The following PECR variants were observed in gnomAD, a reference collection of about 807,000 sequenced individuals.
The protein encoded by PECR is peroxisomal trans-2-enoyl-CoA reductase.
A neutral mutation model predicts 35.3 loss-of-function variants in PECR; 30 were observed. The observed-to-expected ratio is 0.85, with a 90% CI of 0.64 to 1.15. PECR has a LOEUF of 1.15. Ranked by LOEUF, PECR falls within the 50% of genes most tolerant of loss-of-function variation. PECR has a pLI of 0.00. For synonymous variants in PECR, 148 were observed against 138.9 expected, an observed-to-expected ratio of 1.07 and a Z score of -0.46; for missense variants, 392 against 370.8, an observed-to-expected ratio of 1.06 and a Z score of -0.47.
intron 3 of PECR, among the ~76,000 whole-genome samples, chr2:216,063,452 T>C (rs1399779857): frequency 6.6e-6 from 1 of 152,008 alleles, no homozygotes; most frequent in Admixed American, 6.6e-5. Context: ...ACCCCGTCTC[T>C]ACTAAAAATA....
intron 7 of PECR, among the ~76,000 whole-genome samples, chr2:216,041,418 A>T (rs1284691147): frequency 6.6e-6 from 1 of 152,236 alleles, no homozygotes; most frequent in Non-Finnish European, 1.5e-5. Context: ...AAGACCCTTA[A>T]AACTACAGTA....
chr2:216,080,902 A>G (rs546097573), intron 1 of PECR, among the ~76,000 whole-genome samples: 2 of 152,266 alleles, frequency 1.3e-5, no homozygotes, highest in East Asian at 3.9e-4. Context: ...TGTAATCCCA[A>G]AACTTTAGGA....
chr2:216,052,857 G>GT (rs895095355), intron 4 of PECR, among the ~76,000 whole-genome samples: 13 of 151,942 alleles, frequency 8.6e-5, no homozygotes, highest in Non-Finnish European at 1.9e-4. Flanking sequence ...CTCTGTTTTT[G>GT]TTTTTTGTGT....
intron 6 of PECR, among the ~76,000 whole-genome samples, chr2:216,046,339 G>A (rs12615604): frequency 0.12 from 15,025 of 124,748 alleles, 1,286 homozygotes; most frequent in African/African-American, 0.25. Context: ...TTGAGAAGGC[G>A]TCTCACTGTC....
rs373002965 is a variant in PECR at position 216,030,646 on chromosome 2, G to A, written c.*440+8545C>T. 4.7e-4 allele frequency among the ~76,000 whole-genome samples: 72 copies of A among 151,770 alleles called. 1 individual carries two copies. The highest frequency in any genetic ancestry group is 1.6e-3 in the African/African-American group (68 of 41,402). ...GCAACCTCCGCCCCCAGGTTCAAGCGATTCTTGTGCCTCAGCCTGCTAAGT... is the reference window on the plus strand; with the variant it reads ...GCAACCTCCGCCCCCAGGTTCAAGCAATTCTTGTGCCTCAGCCTGCTAAGT... On this transcript the variant is annotated intron_variant and NMD_transcript_variant, in intron 7 of 7. Transcript: ENST00000442122.
chr2:216,060,798 A>G (rs2105958171), intron 3 of PECR, among the ~76,000 whole-genome samples: 1 of 152,312 alleles, frequency 6.6e-6, no homozygotes, highest in East Asian at 1.9e-4. Context: ...CAACTAGAAC[A>G]TCAGAGAGAA....
At chr2:216,075,143 C>T (rs1209422995) in intron 1 of PECR, among the ~76,000 whole-genome samples, 1 of 152,018 alleles carries the variant, frequency 6.6e-6, no homozygotes, top group Non-Finnish European at 1.5e-5. Context: ...GTGGCACATG[C>T]CTATAGTTTA....
downstream of PECR, among the ~76,000 whole-genome samples, chr2:216,034,392 C>T (rs1006536824): frequency 4.6e-4 from 70 of 152,274 alleles, no homozygotes; most frequent in African/African-American, 1.6e-3. Context: ...CAAGCACAGC[C>T]CTGCTGTCCA....
At chr2:216,051,797 G>T (rs138522623) in intron 4 of PECR, among the ~76,000 whole-genome samples, 30 of 152,266 alleles carry the variant, frequency 2.0e-4, no homozygotes, top group Non-Finnish European at 3.1e-4. Flanking sequence ...AAATCACTAC[G>T]TAAGAGGAAT....
intron 1 of PECR, among the ~76,000 whole-genome samples, chr2:216,081,245 C>T (rs1695839914): frequency 6.6e-6 from 1 of 152,176 alleles, no homozygotes; most frequent in African/African-American, 2.4e-5. Context: ...ACTATGTTCA[C>T]AACTTTTTCC....
At chr2:216,044,501 A>T (rs1035037062) in intron 6 of PECR, among the ~76,000 whole-genome samples, 7 of 152,210 alleles carry the variant, frequency 4.6e-5, no homozygotes, top group South Asian at 2.1e-4. Context: ...TCAGGCCAAA[A>T]GCCCAGCAAC....
intron 7 of PECR, among the ~76,000 whole-genome samples, chr2:216,030,944 TCTCTCTCTCTCTCACACACACACA>T (rs1694675805): frequency 1.7e-5 from 1 of 57,356 alleles, no homozygotes; most frequent in African/African-American, 4.7e-5. Flanking sequence ...TCTCTCTCTC[TCTCTCTCTCTCTCACACACACACA>T]CACACACACA....
At chr2:216,067,396 G>A (rs1379671832) in intron 1 of PECR, among the ~76,000 whole-genome samples, 2 of 152,122 alleles carry the variant, frequency 1.3e-5, no homozygotes, top group African/African-American at 2.4e-5. Context: ...CTTTCACGGG[G>A]CATTCGGTAA....
chr2:216,041,473 T>C (rs1405130364), intron 7 of PECR, among the ~76,000 whole-genome samples: 1 of 152,202 alleles, frequency 6.6e-6, no homozygotes, highest in Non-Finnish European at 1.5e-5. Context: ...ATGAAATACA[T>C]GTGGGAGGGG....
chr2:216,048,755 G>T (rs931364747), intron 6 of PECR, among the ~76,000 whole-genome samples: 7 of 150,390 alleles, frequency 4.7e-5, no homozygotes, highest in Non-Finnish European at 1.0e-4. Context: ...CCAGCACTTT[G>T]GGAGGCCAAG....
chr2:216,052,450 G>T (rs895414672), intron 4 of PECR, among the ~76,000 whole-genome samples: 1 of 152,142 alleles, frequency 6.6e-6, no homozygotes, highest in Non-Finnish European at 1.5e-5. Context: ...GTTTGAAAAA[G>T]TCTTTAATTC....
chr2:216,059,424 T>C (rs11886391), intron 3 of PECR, among the ~76,000 whole-genome samples: 17,757 of 152,200 alleles, frequency 0.12, 1,494 homozygotes, highest in South Asian at 0.22. Flanking sequence ...AATGTGTTAA[T>C]AGTTCCTTTT....
At chr2:216,032,702 T>C (rs1574668219) in intron 7 of PECR, 1 of 152,240 alleles carries the variant, frequency 6.6e-6, no homozygotes, top group African/African-American at 2.4e-5. Context: ...GTAAATTTTA[T>C]ATGTAGTCAG....
intron 1 of PECR, among the ~76,000 whole-genome samples, chr2:216,077,431 C>T (rs186283350): frequency 0.08 from 12,032 of 150,752 alleles, 806 homozygotes; most frequent in African/African-American, 0.18. Flanking sequence ...GGCTTGAACC[C>T]GGGAGGCGGA....
Sources: allele counts gnomAD v4.1 joint callset (sites outside exome capture counted in the v4.1 genomes callset), GRCh38; gene constraint gnomAD v4.1.1; transcripts MANE v1.5; gene names NCBI Gene and HGNC (gene_info 2026-07-23, HGNC 2026-07-21).